H2AC20: variants seen among roughly 807,000 people sequenced by gnomAD.
The protein encoded by H2AC20 is histone H2A type 2-C.
A neutral mutation model predicts 7.1 loss-of-function variants in H2AC20; 7 were observed. The observed-to-expected ratio is 0.99, with a 90% CI of 0.56 to 1.85. The LOEUF is 1.85. H2AC20 is among the 40% of genes most tolerant of loss of function. The pLI is 0.00. For missense variants in H2AC20, 127 were observed against 179.6 expected (o/e 0.71, Z 1.67); for synonymous variants, 97 against 82.2 (o/e 1.18, Z -0.98).
In H2AC20 at chr1:149,886,928, T is replaced by C; in HGVS notation, c.-47T>C. 1.2e-6 allele frequency: 2 copies of C among 1,613,372 alleles called. No homozygotes were observed. The highest frequency in any genetic ancestry group is 1.1e-5 in the South Asian group (1 of 91,030). ...TCTTGGTTCTCTTTCAATCTTATTTTGTTGCGAGGTTCTGAGCGTTGTCTG... is the reference window on the plus strand; with the variant it reads ...TCTTGGTTCTCTTTCAATCTTATTTCGTTGCGAGGTTCTGAGCGTTGTCTG... On this transcript the variant is annotated 5_prime_UTR_variant, in exon 1 of 1. Transcript: ENST00000331380.
Position 149,887,105 on chromosome 1 carries a change from T to TGG in H2AC20, c.135_136dup (p.Ala46GlyfsTer15). On this transcript the variant is annotated frameshift_variant, in exon 1 of 1. Coordinates refer to ENST00000331380, the MANE Select transcript of H2AC20 (RefSeq NM_003517.3). LOFTEE classifies it high-confidence loss of function. ...CGCAAAGGCAACTACGCGGAGCGGG[T>TGG]GGGGGCCGGCGCGCCCGTCTACATG... The TGG allele has an allele frequency of 6.2e-7, 1 of 1,613,728 alleles. No individual in the cohort carries two copies.
rs201958494 is a variant in H2AC20 at position 149,887,410 on chromosome 1, C to G, written c.*46C>G. The G allele has an allele frequency of 2.2e-4, 348 of 1,572,850 alleles. 1 individual carries two copies. Among genetic ancestry groups the G allele is most frequent in the South Asian group, 3.2e-4 (27 of 84,616 alleles). ...ACCAAAGGCTCTTTTTAGAGCCACCCAAGTTTTCAAAAAAAGAGCTAATGC... is the reference window on the plus strand; with the variant it reads ...ACCAAAGGCTCTTTTTAGAGCCACCGAAGTTTTCAAAAAAAGAGCTAATGC... On this transcript the variant is annotated 3_prime_UTR_variant, in exon 1 of 1. Transcript: ENST00000331380.
chr1:149,887,073 C>T lies in H2AC20; in HGVS notation c.99C>T (p.Arg33=). 6.2e-7 allele frequency: 1 copy of T among 1,614,084 alleles called. No individual in the cohort carries two copies. Among genetic ancestry groups the T allele is most frequent in the Non-Finnish European group, 8.5e-7 (1 of 1,179,976 alleles). Residue 33 remains arginine, a synonymous_variant, in exon 1 of 1, where the codon CGC becomes CGT. Transcript: ENST00000331380. ...GLQFPVGRVH[R]LLRKGNYAER... ...AGTTCCCGGTAGGGCGAGTGCACCG[C>T]TTGCTGCGCAAAGGCAACTACGCGG...
At position 149,887,296 on chromosome 1, in the gene H2AC20, G is replaced by A; in HGVS notation, c.322G>A (p.Val108Ile). Residue 108 changes from valine to isoleucine, a missense_variant, in exon 1 of 1, where the codon GTT becomes ATT. By Grantham distance (29) the Val-to-Ile change is conservative. Transcript: ENST00000331380. ...CAAAGTCACCATCGCCCAGGGCGGC[G>A]TTTTGCCTAACATCCAGGCCGTTCT... is the stretch of plus-strand genomic sequence containing the variant. ...LGKVTIAQGGVLPNIQAVLLP... is the reference protein window; with the variant it reads ...LGKVTIAQGGILPNIQAVLLP... The A allele has an allele frequency of 6.2e-7, 1 of 1,614,246 alleles. No homozygotes were observed. Among genetic ancestry groups the A allele is most frequent in the Admixed American group, 1.7e-5 (1 of 60,028 alleles).
rs373742230 is a variant in H2AC20, at chr1:149,886,945, C to T, written c.-30C>T. 22 of 1,613,894 alleles carry T rather than the reference C, an allele frequency of 1.4e-5. No individual in the cohort carries two copies. Among genetic ancestry groups the T allele is most frequent in the Non-Finnish European group, 1.6e-5 (19 of 1,179,976 alleles). On this transcript the variant is annotated 5_prime_UTR_variant, in exon 1 of 1. Coordinates refer to ENST00000331380, the MANE Select transcript of H2AC20 (RefSeq NM_003517.3). Reference sequence around the variant, plus strand: ...TCTTATTTTGTTGCGAGGTTCTGAGCGTTGTCTGTGTTTAACCTTGATTTC... The same window carrying T: ...TCTTATTTTGTTGCGAGGTTCTGAGTGTTGTCTGTGTTTAACCTTGATTTC...
At position 149,887,264 on chromosome 1, in the gene H2AC20, T is replaced by C. The variant is rs142171545; in HGVS notation, c.290T>C (p.Leu97Pro). The C allele has an allele frequency of 1.9e-6, 3 of 1,614,212 alleles. No homozygotes were observed. The highest frequency in any genetic ancestry group is 2.5e-6 in the Non-Finnish European group (3 of 1,180,042). ...CGCAACGACGAGGAACTGAACAAGC[T>C]GCTGGGCAAAGTCACCATCGCCCAG... ...AIRNDEELNK[L>P]LGKVTIAQGG... Residue 97 changes from leucine to proline, a missense_variant, in exon 1 of 1, where the codon CTG becomes CCG. Leu to Pro is a moderately conservative substitution (Grantham distance 98). Coordinates refer to ENST00000331380, the MANE Select transcript of H2AC20 (RefSeq NM_003517.3).
Position 149,887,019 on chromosome 1 carries a change from C to T in H2AC20, c.45C>T (p.Ala15=), listed in dbSNP as rs782582886. Residue 15 remains alanine, a synonymous_variant, in exon 1 of 1, where the codon GCC becomes GCT. Coordinates refer to ENST00000331380, the MANE Select transcript of H2AC20 (RefSeq NM_003517.3). ...AAGGAGGCAAGGCCCGCGCCAAGGC[C>T]AAGTCGCGCTCGTCCCGCGCTGGCC... ...GKQGGKARAK[A]KSRSSRAGLQ... is the part of the protein sequence containing the mutation. 6.0e-5 allele frequency: 97 copies of T among 1,614,130 alleles called. No individual in the cohort carries two copies. Among genetic ancestry groups the T allele is most frequent in the Admixed American group, 8.3e-5 (5 of 60,012 alleles).
chr1:149,887,040 T>G lies in H2AC20; in HGVS notation c.66T>G (p.Ala22=). 2 of 1,614,212 alleles carry G rather than the reference T, an allele frequency of 1.2e-6. No homozygotes were observed. Among genetic ancestry groups the G allele is most frequent in the Non-Finnish European group, 1.7e-6 (2 of 1,180,026 alleles). The change falls in exon 1 of 1, where the codon GCT becomes GCG. Residue 22 remains alanine (A), a synonymous_variant. Coordinates refer to ENST00000331380, the MANE Select transcript of H2AC20 (RefSeq NM_003517.3). The stretch of plus-strand genomic sequence containing the variant: ...AGGCCAAGTCGCGCTCGTCCCGCGC[T>G]GGCCTCCAGTTCCCGGTAGGGCGAG... ...RAKAKSRSSR[A]GLQFPVGRVH...
Position 149,887,129 on chromosome 1 carries a change from T to G in H2AC20, c.155T>G (p.Met52Arg). 1.2e-6 allele frequency: 2 copies of G among 1,614,108 alleles called. No individual in the cohort carries two copies. The highest frequency in any genetic ancestry group is 1.7e-6 in the Non-Finnish European group (2 of 1,180,016). Residue 52 changes from methionine to arginine, a missense_variant, in exon 1 of 1, where the codon ATG (methionine) becomes AGG (arginine). Met to Arg is a moderately conservative substitution (Grantham distance 91). Transcript: ENST00000331380. The part of the protein sequence containing the change: ...ERVGAGAPVY[M>R]AAVLEYLTAE... ...GTGGGGGCCGGCGCGCCCGTCTACA[T>G]GGCGGCGGTCCTCGAGTACCTGACC...
chr1:149,887,209 A>C lies in H2AC20; in HGVS notation c.235A>C (p.Ile79Leu), dbSNP rs782343953. Residue 79 changes from isoleucine (I) to leucine (L), a missense_variant, in exon 1 of 1, where the codon ATC becomes CTC. Coordinates refer to ENST00000331380, the MANE Select transcript of H2AC20 (RefSeq NM_003517.3). ...GGCTCGGGACAACAAGAAGACGCGC[A>C]TCATCCCTCGTCACCTCCAGCTGGC... Reference protein sequence around the residue: ...NAARDNKKTRIIPRHLQLAIR... With the variant: ...NAARDNKKTRLIPRHLQLAIR... 10 of 1,614,034 alleles carry C rather than the reference A, an allele frequency of 6.2e-6. No homozygotes were observed. Among genetic ancestry groups the C allele is most frequent in the Non-Finnish European group, 8.5e-6 (10 of 1,180,044 alleles).
rs781973940 is a variant in H2AC20, at chr1:149,887,114, GCGCGC to G, written c.142_146del (p.Ala48ArgfsTer62). The G allele has an allele frequency of 1.2e-6, 2 of 1,614,026 alleles. No homozygotes were observed. The highest frequency in any genetic ancestry group is 3.3e-5 in the Admixed American group (2 of 60,010). ...AACTACGCGGAGCGGGTGGGGGCCG[GCGCGC>G]CCGTCTACATGGCGGCGGTCCTCGA... On this transcript the variant is annotated frameshift_variant, in exon 1 of 1. Transcript: ENST00000331380. LOFTEE classifies it high-confidence loss of function.
chr1:149,887,332 A>G lies in H2AC20; in HGVS notation c.358A>G (p.Lys120Glu). ...PNIQAVLLPK[K>E]TESHKAKSK The stretch of plus-strand genomic sequence containing the variant: ...CATCCAGGCCGTTCTGTTACCAAAG[A>G]AAACCGAAAGCCACAAAGCCAAAAG... Residue 120 changes from lysine (K) to glutamate (E), a missense_variant, in exon 1 of 1, where the codon AAA becomes GAA. Physicochemically the swap from Lys to Glu is moderately conservative, Grantham distance 56. Coordinates refer to ENST00000331380, the MANE Select transcript of H2AC20 (RefSeq NM_003517.3). The G allele has an allele frequency of 6.2e-7, 1 of 1,613,908 alleles. No homozygotes were observed. Among genetic ancestry groups the G allele is most frequent in the Non-Finnish European group, 8.5e-7 (1 of 1,179,854 alleles).
Position 149,886,924 on chromosome 1 carries a change from A to C in H2AC20, c.-51A>C. 2 of 1,613,080 alleles carry C rather than the reference A, an allele frequency of 1.2e-6. No homozygotes were observed. Among genetic ancestry groups the C allele is most frequent in the Non-Finnish European group, 1.7e-6 (2 of 1,179,538 alleles). On this transcript the variant is annotated 5_prime_UTR_variant, in exon 1 of 1. Coordinates refer to ENST00000331380, the MANE Select transcript of H2AC20 (RefSeq NM_003517.3). ...TTCCTCTTGGTTCTCTTTCAATCTT[A>C]TTTTGTTGCGAGGTTCTGAGCGTTG...
Position 149,887,001 on chromosome 1 carries a change from C to G in H2AC20, c.27C>G (p.Gly9=). 1 of 1,614,266 alleles carries G rather than the reference C, an allele frequency of 6.2e-7. No homozygotes were observed. Among genetic ancestry groups the G allele is most frequent in the Non-Finnish European group, 8.5e-7 (1 of 1,180,032 alleles). The change falls in exon 1 of 1, where the codon GGC becomes GGG. Residue 9 remains glycine (G), a synonymous_variant. Transcript: ENST00000331380. MSGRGKQG[G]KARAKAKSRS... is the part of the protein sequence containing the mutation. ...TGTCTGGTCGTGGCAAACAAGGAGG[C>G]AAGGCCCGCGCCAAGGCCAAGTCGC...
chr1:149,887,138 T>C lies in H2AC20; in HGVS notation c.164T>C (p.Val55Ala), dbSNP rs1486591670. ...GGCGCGCCCGTCTACATGGCGGCGGTCCTCGAGTACCTGACCGCCGAGATC... is the reference window on the plus strand; with the variant it reads ...GGCGCGCCCGTCTACATGGCGGCGGCCCTCGAGTACCTGACCGCCGAGATC... ...GAGAPVYMAAVLEYLTAEILE... is the reference protein window; with the variant it reads ...GAGAPVYMAAALEYLTAEILE... Residue 55 changes from valine (V) to alanine (A), a missense_variant, in exon 1 of 1, where the codon GTC becomes GCC. Physicochemically the swap from Val to Ala is moderately conservative, Grantham distance 64. Transcript: ENST00000331380. 1 of 1,613,960 alleles carries C rather than the reference T, an allele frequency of 6.2e-7. No individual in the cohort carries two copies. The highest frequency in any genetic ancestry group is 8.5e-7 in the Non-Finnish European group (1 of 1,179,984).
At position 149,887,362 on chromosome 1, in the gene H2AC20, TAAATGCAGACAAACAA is replaced by T; in HGVS notation, c.390_*15del. Reference sequence around the variant, plus strand: ...CGAAAGCCACAAAGCCAAAAGCAAATAAATGCAGACAAACAAACCAAGACCAAAGGCTCTTTTTAGA... The same window carrying T: ...CGAAAGCCACAAAGCCAAAAGCAAATACCAAGACCAAAGGCTCTTTTTAGA... On this transcript the variant is annotated stop_lost and 3_prime_UTR_variant, in exon 1 of 1. Coordinates refer to ENST00000331380, the MANE Select transcript of H2AC20 (RefSeq NM_003517.3). 6.2e-7 allele frequency: 1 copy of T among 1,610,974 alleles called. No individual in the cohort carries two copies. The highest frequency in any genetic ancestry group is 8.5e-7 in the Non-Finnish European group (1 of 1,178,464).
In H2AC20 at chr1:149,887,410, C is replaced by A; in HGVS notation, c.*46C>A. 1 of 1,572,846 alleles carries A rather than the reference C, an allele frequency of 6.4e-7. No homozygotes were observed. Among genetic ancestry groups the A allele is most frequent in the South Asian group, 1.2e-5 (1 of 84,614 alleles). On this transcript the variant is annotated 3_prime_UTR_variant, in exon 1 of 1. Transcript: ENST00000331380. The stretch of plus-strand genomic sequence containing the variant: ...ACCAAAGGCTCTTTTTAGAGCCACC[C>A]AAGTTTTCAAAAAAAGAGCTAATGC...
chr1:149,887,392 G>A lies in H2AC20; in HGVS notation c.*28G>A, dbSNP rs782145762. On this transcript the variant is annotated 3_prime_UTR_variant, in exon 1 of 1. Coordinates refer to ENST00000331380, the MANE Select transcript of H2AC20 (RefSeq NM_003517.3). ...GCAGACAAACAAACCAAGACCAAAG[G>A]CTCTTTTTAGAGCCACCCAAGTTTT... 1.3e-6 allele frequency: 2 copies of A among 1,591,980 alleles called. No individual in the cohort carries two copies. The highest frequency in any genetic ancestry group is 1.7e-6 in the Non-Finnish European group (2 of 1,170,300).
In H2AC20 at chr1:149,887,228, A is replaced by C. The variant is rs1553759920; in HGVS notation, c.254A>C (p.Gln85Pro). Residue 85 changes from glutamine to proline, a missense_variant, in exon 1 of 1, where the codon CAG becomes CCG. Coordinates refer to ENST00000331380, the MANE Select transcript of H2AC20 (RefSeq NM_003517.3). The stretch of plus-strand genomic sequence containing the variant: ...ACGCGCATCATCCCTCGTCACCTCC[A>C]GCTGGCCATCCGCAACGACGAGGAA... The part of the protein sequence containing the change: ...KKTRIIPRHL[Q>P]LAIRNDEELN... The C allele has an allele frequency of 6.2e-7, 1 of 1,614,188 alleles. No homozygotes were observed. The highest frequency in any genetic ancestry group is 1.3e-5 in the African/African-American group (1 of 75,052).
Sources: gnomAD v4.1 joint callset for allele counts on GRCh38, gnomAD v4.1.1 for gene constraint, MANE v1.5 for transcripts, NCBI Gene and HGNC (gene_info 2026-07-23, HGNC 2026-07-21) for gene names.